The following ROR1 variants were observed in gnomAD, a reference collection of about 807,000 sequenced individuals.
ROR1 encodes the protein inactive tyrosine-protein kinase transmembrane receptor ROR1.
A neutral mutation model predicts 78.8 loss-of-function variants in ROR1; 19 were observed. That is an observed-to-expected ratio of 0.24 (90% confidence interval 0.17 to 0.35). ROR1 has a LOEUF of 0.35. Ranked by LOEUF, ROR1 falls within the 10% of genes least tolerant of loss-of-function variation. The pLI is 1.00. For synonymous variants in ROR1, 386 were observed against 433.6 expected (o/e 0.89, Z 1.36); for missense variants, 917 against 1,177.8 (o/e 0.78, Z 3.24).
At position 63,823,230 on chromosome 1, in the gene ROR1, T is replaced by C. The variant is rs570875954; in HGVS notation, c.91+48722T>C. ...TCTTTCCTTGGTCCCTCCCAATCCATGATGGGACTTGCTATGGAATTTGTC... is the reference window on the plus strand; with the variant it reads ...TCTTTCCTTGGTCCCTCCCAATCCACGATGGGACTTGCTATGGAATTTGTC... On this transcript the variant is annotated intron_variant, in intron 1 of 8. Transcript: ENST00000371079. 3.9e-5 allele frequency among the ~76,000 whole-genome samples: 6 copies of C among 152,230 alleles called. No homozygotes were observed. The East Asian group carries it at 1.2e-3, about 29-fold the overall frequency.
chr1:64,172,014 A>G (rs973077958), intron 8 of ROR1, among the ~76,000 whole-genome samples: 1 of 152,212 alleles, frequency 6.6e-6, no homozygotes, highest in Non-Finnish European at 1.5e-5. Context: ...CTTCCCAAAG[A>G]TGGAAAGAGA....
At chr1:64,093,445 C>A (rs942801077) in intron 4 of ROR1, among the ~76,000 whole-genome samples, 15 of 152,066 alleles carry the variant, frequency 9.9e-5, no homozygotes, top group Admixed American at 3.3e-4. Context: ...AAACAGCAAA[C>A]CTTTTCTTTC....
At chr1:63,923,374 G>A (rs1175903353) in intron 1 of ROR1, among the ~76,000 whole-genome samples, 1 of 152,052 alleles carries the variant, frequency 6.6e-6, no homozygotes, top group Non-Finnish European at 1.5e-5. Context: ...CCTGCAAGTG[G>A]GAATAAGGAT....
At chr1:64,075,728 T>C (rs1260771) in intron 4 of ROR1, among the ~76,000 whole-genome samples, 78,114 of 151,978 alleles carry the variant, frequency 0.51, 23,494 homozygotes, top group African/African-American at 0.84. Context: ...ATCAACTTGC[T>C]CTTGCTTCAT....
At chr1:64,160,603 C>T (rs1417271472) in intron 8 of ROR1, among the ~76,000 whole-genome samples, 3 of 152,130 alleles carry the variant, frequency 2.0e-5, no homozygotes, top group African/African-American at 7.2e-5. Context: ...TATATTATAG[C>T]ATTTTATATA....
chr1:64,059,076 TC>T (rs1281079332), intron 4 of ROR1, among the ~76,000 whole-genome samples: 1 of 152,202 alleles, frequency 6.6e-6, no homozygotes, highest in African/African-American at 2.4e-5. Flanking sequence ...TAGAAATTTT[TC>T]CATTTCATTG....
intron 4 of ROR1, among the ~76,000 whole-genome samples, chr1:64,102,339 G>A (rs1349165856): frequency 1.3e-5 from 2 of 152,140 alleles, no homozygotes; most frequent in Non-Finnish European, 2.9e-5. Flanking sequence ...CTGTCAGTGT[G>A]AGGCAAAGAG....
At chr1:63,806,577 A>T (rs1436533277) in intron 1 of ROR1, among the ~76,000 whole-genome samples, 3 of 152,178 alleles carry the variant, frequency 2.0e-5, no homozygotes, top group Admixed American at 6.5e-5. Context: ...CTGGCCTCCC[A>T]AAGTGCTGGG....
intron 1 of ROR1, among the ~76,000 whole-genome samples, chr1:63,846,920 T>C (rs1237180142): frequency 6.6e-6 from 1 of 152,040 alleles, no homozygotes; most frequent in Non-Finnish European, 1.5e-5. Context: ...GCCTTGGAGG[T>C]GAAGTCACTA....
At chr1:63,850,131 T>A (rs1011310421) in intron 1 of ROR1, among the ~76,000 whole-genome samples, 2 of 152,250 alleles carry the variant, frequency 1.3e-5, no homozygotes, top group Non-Finnish European at 2.9e-5. Flanking sequence ...AATGGGAACT[T>A]ACTGTACCTG....
intron 2 of ROR1, among the ~76,000 whole-genome samples, chr1:64,028,657 T>G (rs1557616413): frequency 6.6e-6 from 1 of 152,152 alleles, no homozygotes; most frequent in Non-Finnish European, 1.5e-5. Flanking sequence ...TAAAAAAAAT[T>G]TTTTAGATAC....
chr1:63,798,667 T>A (rs984105993), intron 1 of ROR1, among the ~76,000 whole-genome samples: 2 of 152,160 alleles, frequency 1.3e-5, no homozygotes. Context: ...TAGTAATCAC[T>A]TAACACATTG....
intron 1 of ROR1, among the ~76,000 whole-genome samples, chr1:63,992,438 C>T (rs1646304085): frequency 6.6e-6 from 1 of 152,080 alleles, no homozygotes; most frequent in Admixed American, 6.6e-5. Flanking sequence ...GAACTCCTGA[C>T]CTCATGATCC....
intron 1 of ROR1, among the ~76,000 whole-genome samples, chr1:63,848,711 A>G (rs1444834307): frequency 6.6e-6 from 1 of 152,218 alleles, no homozygotes; most frequent in African/African-American, 2.4e-5. Flanking sequence ...AAAAAAATCA[A>G]TAATGGCAAA....
intron 4 of ROR1, among the ~76,000 whole-genome samples, chr1:64,121,191 C>T (rs1384738739): frequency 1.4e-5 from 2 of 146,600 alleles, no homozygotes; most frequent in African/African-American, 5.1e-5. Flanking sequence ...TTCCTTTCTT[C>T]CTTCCTCCCT....
intron 1 of ROR1, among the ~76,000 whole-genome samples, chr1:63,801,565 G>T (rs977683406): frequency 7.9e-5 from 12 of 152,150 alleles, no homozygotes; most frequent in Non-Finnish European, 1.5e-4. Flanking sequence ...AAAGTGTTGG[G>T]ATTACAGATG....
intron 4 of ROR1, among the ~76,000 whole-genome samples, chr1:64,124,203 A>G (rs1265614391): frequency 6.6e-6 from 1 of 152,156 alleles, no homozygotes; most frequent in Admixed American, 6.5e-5. Flanking sequence ...TTGTGCTTCT[A>G]TTCTTCAAAA....
intron 1 of ROR1, among the ~76,000 whole-genome samples, chr1:63,948,613 T>C (rs1645909485): frequency 6.6e-6 from 1 of 152,166 alleles, no homozygotes. Context: ...TGAATGTTTG[T>C]GTCCACTCTC....
At chr1:63,856,724 A>T (rs937087776) in intron 1 of ROR1, among the ~76,000 whole-genome samples, 7 of 152,190 alleles carry the variant, frequency 4.6e-5, no homozygotes, top group African/African-American at 1.7e-4. Flanking sequence ...TCCAGGGATC[A>T]CTGCCCTTTA....
Sources: allele counts gnomAD v4.1 joint callset (sites outside exome capture counted in the v4.1 genomes callset), GRCh38; gene constraint gnomAD v4.1.1; transcripts MANE v1.5; gene names NCBI Gene and HGNC (gene_info 2026-07-23, HGNC 2026-07-21).